Variants in SDC2 observed in about 807,000 individuals in gnomAD.
SDC2 encodes the protein syndecan-2.
In SDC2, 13 loss-of-function variants were observed where a neutral mutation model predicts 22.2. The ratio of observed to expected loss-of-function variants is 0.59; its 90% confidence interval spans 0.38 to 0.93. The LOEUF is 0.93. Ranked by LOEUF, SDC2 falls within the 40% of genes least tolerant of loss-of-function variation. The pLI, the probability that SDC2 is intolerant of heterozygous loss-of-function variation, is 0.00. For synonymous variants in SDC2, 94 were observed against 92.8 expected (o/e 1.01, Z -0.07); for missense variants, 235 against 246.8 (o/e 0.95, Z 0.32).
intron 2 of SDC2, among the ~76,000 whole-genome samples, chr8:96,597,460 C>T (rs766324833): frequency 5.3e-5 from 8 of 152,200 alleles, no homozygotes; most frequent in Admixed American, 3.3e-4. Flanking sequence ...GCTTCTAGTC[C>T]TCTTTTCGGT....
intron 1 of SDC2, among the ~76,000 whole-genome samples, chr8:96,590,242 A>T (rs1814756159): frequency 6.6e-6 from 1 of 152,188 alleles, no homozygotes; most frequent in Admixed American, 6.5e-5. Flanking sequence ...AGCCAACAGT[A>T]TTGGCACTGC....
At chr8:96,556,548 T>A (rs1814116617) in intron 1 of SDC2, among the ~76,000 whole-genome samples, 1 of 151,852 alleles carries the variant, frequency 6.6e-6, no homozygotes, top group Non-Finnish European at 1.5e-5. Context: ...TAATAAATGG[T>A]GCTGGGAAAA....
intron 1 of SDC2, among the ~76,000 whole-genome samples, chr8:96,497,774 A>AC (rs1813097594): frequency 1.3e-5 from 2 of 152,192 alleles, no homozygotes. Flanking sequence ...CTGTTGGCAT[A>AC]CCTGCTGGTG....
intron 1 of SDC2, among the ~76,000 whole-genome samples, chr8:96,500,652 A>C (rs1334742802): frequency 8.1e-6 from 1 of 123,610 alleles, no homozygotes; most frequent in African/African-American, 3.3e-5. Flanking sequence ...ACAGAGTGAG[A>C]CTCCATCTCA....
intron 1 of SDC2, among the ~76,000 whole-genome samples, chr8:96,500,881 G>T (rs1289082681): frequency 1.3e-5 from 2 of 152,158 alleles, no homozygotes; most frequent in Non-Finnish European, 2.9e-5. Context: ...GTATCTCAAA[G>T]AATTGGTAGG....
rs1815176358 is a variant in SDC2 at position 96,611,586 on chromosome 8, A to G, written c.*2038A>G. 6.6e-6 allele frequency: 1 copy of G among 152,656 alleles called. No homozygotes were observed. Among genetic ancestry groups the G allele is most frequent in the Non-Finnish European group, 1.5e-5 (1 of 68,032 alleles). The allele number at this position is 152,656 out of a possible 1,614,324, so 9.5% of individuals were successfully genotyped here. A position where few individuals can be genotyped will look rare whatever the true frequency, so the allele number is the denominator to read the frequency against. ...TTCTAAAGCCACGCTGTGTCCCTCA[A>G]TTACAGAGGGTAGGAATGGGTATAC... On this transcript the variant is annotated 3_prime_UTR_variant, in exon 5 of 5. Transcript: ENST00000302190.
At chr8:96,564,432 T>C (rs1563663412) in intron 1 of SDC2, among the ~76,000 whole-genome samples, 1 of 152,202 alleles carries the variant, frequency 6.6e-6, no homozygotes, top group Non-Finnish European at 1.5e-5. Flanking sequence ...CAGTACCTAA[T>C]AGATTTTTTA....
intron 1 of SDC2, among the ~76,000 whole-genome samples, chr8:96,576,379 G>GTTTTTTTTTTTTTT (rs1365620450): frequency 4.2e-5 from 2 of 47,562 alleles, no homozygotes; most frequent in Non-Finnish European, 7.9e-5. Flanking sequence ...TTTTTGTTTT[G>GTTTTTTTTTTTTTT]TTTTGTTTTT....
intron 1 of SDC2, among the ~76,000 whole-genome samples, chr8:96,522,473 G>A (rs761516698): frequency 4.9e-4 from 75 of 151,854 alleles, no homozygotes; most frequent in Non-Finnish European, 8.1e-4. Flanking sequence ...TGGCTACTTC[G>A]GAAAAAGAAG....
chr8:96,579,718 C>T (rs1263506172), intron 1 of SDC2, among the ~76,000 whole-genome samples: 2 of 152,306 alleles, frequency 1.3e-5, no homozygotes, highest in Admixed American at 1.3e-4. Flanking sequence ...GAGTTTTAAT[C>T]AGTATTTAAC....
chr8:96,550,847 G>A (rs868412431), intron 1 of SDC2, among the ~76,000 whole-genome samples: 6 of 152,086 alleles, frequency 3.9e-5, no homozygotes, highest in South Asian at 2.1e-4. Context: ...GAGGTCTCAC[G>A]CATGGGGTGA....
chr8:96,535,466 T>C (rs565741741), intron 1 of SDC2, among the ~76,000 whole-genome samples: 161 of 152,332 alleles, frequency 1.1e-3, no homozygotes, highest in Non-Finnish European at 1.8e-3. Context: ...ATTACAACTT[T>C]TTACCCACAC....
intron 1 of SDC2, among the ~76,000 whole-genome samples, chr8:96,526,774 CCT>C (rs936118262): frequency 7.2e-5 from 11 of 152,146 alleles, no homozygotes; most frequent in Non-Finnish European, 1.3e-4. Context: ...TGTGTTGACC[CCT>C]GTGTAGCTGT....
chr8:96,510,314 A>G (rs958279727), intron 1 of SDC2, among the ~76,000 whole-genome samples: 1 of 152,200 alleles, frequency 6.6e-6, no homozygotes, highest in Non-Finnish European at 1.5e-5. Context: ...AAGTCGCTTC[A>G]ATTCCATGGA....
intron 1 of SDC2, among the ~76,000 whole-genome samples, chr8:96,507,513 G>T (rs1280711049): frequency 6.6e-6 from 1 of 152,132 alleles, no homozygotes; most frequent in African/African-American, 2.4e-5. Flanking sequence ...GGCTAATTAT[G>T]GGAAGACAGT....
At chr8:96,506,960 G>C (rs1289568504) in intron 1 of SDC2, among the ~76,000 whole-genome samples, 1 of 147,104 alleles carries the variant, frequency 6.8e-6, no homozygotes, top group Non-Finnish European at 1.5e-5. Flanking sequence ...GGTGAGCCGA[G>C]ATCACGCCAC....
chr8:96,520,074 G>A (rs1224887033), intron 1 of SDC2, among the ~76,000 whole-genome samples: 4 of 152,142 alleles, frequency 2.6e-5, no homozygotes, highest in South Asian at 2.1e-4. Flanking sequence ...CCTTTCTCAC[G>A]GGACTTCCTG....
At chr8:96,508,748 C>T (rs1448888145) in intron 1 of SDC2, among the ~76,000 whole-genome samples, 1 of 141,866 alleles carries the variant, frequency 7.0e-6, no homozygotes, top group Non-Finnish European at 1.6e-5. Flanking sequence ...TGTGGCCCAG[C>T]ACAAGTTAGA....
intron 1 of SDC2, among the ~76,000 whole-genome samples, chr8:96,555,335 A>T (rs1586297221): frequency 6.6e-6 from 1 of 152,132 alleles, no homozygotes; most frequent in African/African-American, 2.4e-5. Context: ...ATCGTCTAGC[A>T]CTTGGCTAGA....
Sources: allele counts gnomAD v4.1 joint callset (sites outside exome capture counted in the v4.1 genomes callset), GRCh38; gene constraint gnomAD v4.1.1; transcripts MANE v1.5; gene names NCBI Gene and HGNC (gene_info 2026-07-23, HGNC 2026-07-21).